The following TBC1D13 variants were observed in gnomAD, a reference collection of about 807,000 sequenced individuals.
TBC1D13 encodes the protein TBC1 domain family member 13, also known as epididymis secretory sperm binding protein.
In TBC1D13, 40 loss-of-function variants were observed where a neutral mutation model predicts 53.6. That is an observed-to-expected ratio of 0.75 (90% CI 0.58 to 0.97). The LOEUF is 0.97. Ranked by LOEUF, TBC1D13 falls within the 50% of genes least tolerant of loss-of-function variation. The pLI is 0.00. For missense variants in TBC1D13, 377 were observed against 499.4 expected (o/e 0.75, Z 2.34); for synonymous variants, 182 against 197.7 (o/e 0.92, Z 0.67).
Position 128,806,380 on chromosome 9 carries a change from C to G in TBC1D13, c.1137+69C>G, listed in dbSNP as rs1829834867. 12 of 1,579,934 alleles carry G rather than the reference C, an allele frequency of 7.6e-6. No individual in the cohort carries two copies. In the South Asian group the frequency reaches 8.9e-5, roughly 12 times the overall value. On this transcript the variant is annotated intron_variant, in intron 11 of 11. Transcript: ENST00000372648. ...GCACTCGCCAGGCACCTGCCCACGC[C>G]AGCTGCTGCGACAGGCTGGGCAGGG...
At chr9:128,799,030 G>A (rs1564424976) in intron 7 of TBC1D13, among the ~76,000 whole-genome samples, 1 of 152,160 alleles carries the variant, frequency 6.6e-6, no homozygotes, top group African/African-American at 2.4e-5. Flanking sequence ...GACTTTGATC[G>A]AAGCTCTGAC....
rs1268399996 is a variant in TBC1D13, at chr9:128,808,605, C to G, written c.*726C>G. ...TCTCCATTACTCTCCCTGCCCTTCTCTGTTGGGGTGCCTTATCCTGAGCCA... is the reference window on the plus strand; with the variant it reads ...TCTCCATTACTCTCCCTGCCCTTCTGTGTTGGGGTGCCTTATCCTGAGCCA... On this transcript the variant is annotated 3_prime_UTR_variant, in exon 12 of 12. Coordinates refer to ENST00000372648, the MANE Select transcript of TBC1D13 (RefSeq NM_018201.5). 1 of 153,118 alleles carries G rather than the reference C, an allele frequency of 6.5e-6. No individual in the cohort carries two copies. The highest frequency in any genetic ancestry group is 6.5e-5 in the Admixed American group (1 of 15,306). 9.5% of individuals were successfully genotyped at this position (153,118 alleles called of 1,614,324 possible). A position where few individuals can be genotyped will look rare whatever the true frequency, so the allele number is the denominator to read the frequency against.
Position 128,790,772 on chromosome 9 carries a change from G to T in TBC1D13, c.135G>T (p.Trp45Cys). The change falls in exon 3 of 12, where the codon TGG becomes TGT. Residue 45 changes from tryptophan (W) to cysteine (C), a missense_variant. By Grantham distance (215) the Trp-to-Cys change is radical. Coordinates refer to ENST00000372648, the MANE Select transcript of TBC1D13 (RefSeq NM_018201.5). ...PCEGGLRCLC[W>C]KILLNYLPLE... ...AGGGCGGACTGCGGTGCCTCTGCTG[G>T]AAGGTGGGTGTGCCTGGGGTGGGGC... 6.4e-7 allele frequency: 1 copy of T among 1,558,462 alleles called. No homozygotes were observed. Among genetic ancestry groups the T allele is most frequent in the Non-Finnish European group, 8.6e-7 (1 of 1,161,398 alleles).
chr9:128,802,889 C>A (rs1829761824), intron 7 of TBC1D13, among the ~76,000 whole-genome samples: 1 of 151,950 alleles, frequency 6.6e-6, no homozygotes, highest in Non-Finnish European at 1.5e-5. Flanking sequence ...TGCGTGCCTT[C>A]ACACTCGGCT....
intron 1 of TBC1D13, 102 bp downstream of exon 1, chr9:128,787,478 A>AC (rs1829442043): frequency 2.6e-6 from 3 of 1,174,884 alleles, no homozygotes; most frequent in Non-Finnish European, 3.3e-6. Flanking sequence ...GAATCGGCAG[A>AC]CCCCCTCGGC....
Position 128,792,525 on chromosome 9 carries a change from A to G in TBC1D13, c.334A>G (p.Thr112Ala). 6.2e-7 allele frequency: 1 copy of G among 1,614,144 alleles called. No individual in the cohort carries two copies. The highest frequency in any genetic ancestry group is 8.5e-7 in the Non-Finnish European group (1 of 1,179,992). Residue 112 changes from threonine (T) to alanine (A), a missense_variant, in exon 6 of 12, where the codon ACG becomes GCG. Thr to Ala is a moderately conservative substitution (Grantham distance 58). Transcript: ENST00000372648. ...CCCCAACCCTGACAGCCGGTGGAACACGTACTTCAAGGACAACGAGGTGCT... is the reference window on the plus strand; with the variant it reads ...CCCCAACCCTGACAGCCGGTGGAACGCGTACTTCAAGGACAACGAGGTGCT... ...LNPNPDSRWN[T>A]YFKDNEVLLQ... is the part of the protein sequence containing the mutation.
chr9:128,805,903 G>A lies in TBC1D13; in HGVS notation c.963G>A (p.Leu321=). The A allele has an allele frequency of 1.9e-6, 3 of 1,614,130 alleles. No homozygotes were observed. Among genetic ancestry groups the A allele is most frequent in the Non-Finnish European group, 2.5e-6 (3 of 1,180,040 alleles). ...IKPQFFAFRW[L]TLLLSQEFLL... is the part of the protein sequence containing the mutation. ...CTCAGTTCTTTGCCTTCCGCTGGCT[G>A]ACACTGCTGCTGTCCCAGGAGTTCT... The change falls in exon 10 of 12, where the codon CTG becomes CTA. Residue 321 remains leucine (L), a synonymous_variant. Coordinates refer to ENST00000372648, the MANE Select transcript of TBC1D13 (RefSeq NM_018201.5).
chr9:128,805,830 G>GC (rs746678483), intron 9 of TBC1D13, 29 bp from the exon 10 acceptor site: 1 of 1,605,626 alleles, frequency 6.2e-7, no homozygotes, highest in East Asian at 2.2e-5. Flanking sequence ...ACAGAGTCAT[G>GC]CCCCCCACCC....
intron 2 of TBC1D13, among the ~76,000 whole-genome samples, chr9:128,790,174 T>A (rs1829504453): frequency 6.7e-6 from 1 of 148,276 alleles, no homozygotes; most frequent in Non-Finnish European, 1.5e-5. Flanking sequence ...GAAGAATTAG[T>A]TAAACCGGGG....
At chr9:128,798,359 G>T (rs957287700) in intron 7 of TBC1D13, among the ~76,000 whole-genome samples, 10 of 152,220 alleles carry the variant, frequency 6.6e-5, no homozygotes, top group African/African-American at 2.4e-4. Flanking sequence ...GCCACGGGGT[G>T]GCTAGAAGCA....
intron 7 of TBC1D13, among the ~76,000 whole-genome samples, chr9:128,799,793 G>A (rs1438910190): frequency 2.0e-5 from 3 of 152,126 alleles, no homozygotes; most frequent in African/African-American, 7.2e-5. Context: ...AGGCTGAGGC[G>A]GGCGGATCAT....
rs758723353 is a variant in TBC1D13, at chr9:128,790,808, C to T, written c.138+33C>T. 5.5e-5 allele frequency: 86 copies of T among 1,556,848 alleles called. No individual in the cohort carries two copies. The Middle Eastern group carries it at 6.8e-4, about 12-fold the overall frequency. On this transcript the variant is annotated intron_variant, in intron 3 of 11. Transcript: ENST00000372648. ...TGCCTGGGGTGGGGCTTCTGCTCTG[C>T]TGAGAGTCCCTGGGTTTTCCTGCAT...
chr9:128,801,455 G>A (rs546047122), intron 7 of TBC1D13, among the ~76,000 whole-genome samples: 11 of 152,076 alleles, frequency 7.2e-5, no homozygotes, highest in African/African-American at 2.6e-4. Flanking sequence ...TGAGGCGGGC[G>A]GATCACGAGG....
chr9:128,789,345 T>TA (rs1829487650), intron 2 of TBC1D13, among the ~76,000 whole-genome samples: 1 of 150,862 alleles, frequency 6.6e-6, no homozygotes, highest in Non-Finnish European at 1.5e-5. Flanking sequence ...AAGAACTTCT[T>TA]ATATTGTCCC....
intron 11 of TBC1D13, 113 bp from the exon 12 acceptor site, chr9:128,807,701 C>A: frequency 9.1e-7 from 1 of 1,099,730 alleles, no homozygotes; most frequent in Non-Finnish European, 1.4e-6. Context: ...GTTCTGTGCT[C>A]CTGCCCCTGA....
At chr9:128,794,218 G>A (rs981231104) in intron 6 of TBC1D13, among the ~76,000 whole-genome samples, 1 of 152,200 alleles carries the variant, frequency 6.6e-6, no homozygotes, top group Non-Finnish European at 1.5e-5. Context: ...GCAGGATAAA[G>A]CAGGGTCCTC....
At chr9:128,806,800 G>A (rs995914178) in intron 11 of TBC1D13, among the ~76,000 whole-genome samples, 2 of 151,988 alleles carry the variant, frequency 1.3e-5, no homozygotes, top group African/African-American at 2.4e-5. Context: ...AAAATTAGCC[G>A]GGCTTGGTGG....
chr9:128,804,732 T>TTTG (rs1554795969), intron 9 of TBC1D13, among the ~76,000 whole-genome samples: 17 of 107,058 alleles, frequency 1.6e-4, no homozygotes, highest in African/African-American at 3.3e-4. Context: ...TTTTTTTTTT[T>TTTG]TTTTTTTTTT....
chr9:128,806,541 A>C (rs1829837742), intron 11 of TBC1D13, among the ~76,000 whole-genome samples: 1 of 152,134 alleles, frequency 6.6e-6, no homozygotes, highest in Admixed American at 6.5e-5. Context: ...CAAACCGTGT[A>C]CTCTACGTAG....
Sources: gnomAD v4.1 joint callset for allele counts (sites outside exome capture counted in the v4.1 genomes callset) on GRCh38, gnomAD v4.1.1 for gene constraint, MANE v1.5 for transcripts, NCBI Gene and HGNC (gene_info 2026-07-23, HGNC 2026-07-21) for gene names.